UPF2: variants seen among roughly 807,000 people sequenced by gnomAD.
The protein encoded by UPF2 is UPF2 regulator of nonsense mediated mRNA decay.
Under a neutral mutation model 141.4 loss-of-function variants are expected in UPF2, and 17 were observed. That is an observed-to-expected ratio of 0.12 (90% CI 0.08 to 0.18). The LOEUF (loss-of-function observed/expected upper bound fraction) is 0.18, where lower values mean the gene tolerates loss of function less well. UPF2 is among the 10% of genes least tolerant of loss of function. The pLI is 1.00. For synonymous variants in UPF2, 540 were observed against 498.0 expected (o/e 1.08, Z -1.12); for missense variants, 1,152 against 1,515.9 (o/e 0.76, Z 3.99).
chr10:11,927,749 A>G (rs1411899038), intron 21 of UPF2, among the ~76,000 whole-genome samples: 1 of 152,144 alleles, frequency 6.6e-6, no homozygotes, highest in Non-Finnish European at 1.5e-5. Context: ...TAAAGAACAG[A>G]TCTCTAAACT....
intron 2 of UPF2, among the ~76,000 whole-genome samples, chr10:12,033,009 C>G (rs894199907): frequency 6.6e-6 from 1 of 151,936 alleles, no homozygotes; most frequent in Admixed American, 6.6e-5. Context: ...CATCACCCCC[C>G]CAAAAATGGG....
intron 4 of UPF2, among the ~76,000 whole-genome samples, chr10:12,010,030 T>C (rs1834101204): frequency 6.6e-6 from 1 of 152,172 alleles, no homozygotes; most frequent in South Asian, 2.1e-4. Context: ...TCTATGACTC[T>C]ACTTTATCAG....
intron 15 of UPF2, among the ~76,000 whole-genome samples, chr10:11,949,607 GC>G (rs1833048396): frequency 1.3e-5 from 2 of 152,258 alleles, no homozygotes; most frequent in African/African-American, 4.8e-5. Context: ...ACTTAAGACA[GC>G]CCATATATTA....
intron 1 of UPF2, among the ~76,000 whole-genome samples, chr10:12,039,781 C>T (rs563098126): frequency 4.6e-5 from 7 of 152,018 alleles, no homozygotes; most frequent in East Asian, 1.9e-4. Flanking sequence ...CCACCATGCC[C>T]GGCTAATTTT....
At chr10:11,996,953 TCTGAG>T (rs1833873356) in intron 8 of UPF2, among the ~76,000 whole-genome samples, 1 of 152,216 alleles carries the variant, frequency 6.6e-6, no homozygotes, top group Admixed American at 6.5e-5. Flanking sequence ...AGAGTATCTG[TCTGAG>T]CTATGTCATA....
intron 7 of UPF2, 112 bp downstream of exon 7, chr10:11,999,794 A>T: frequency 1.2e-6 from 1 of 857,644 alleles, no homozygotes; most frequent in Non-Finnish European, 1.9e-6. Context: ...ACTTTATTTG[A>T]AGAAATGGTG....
intron 19 of UPF2, among the ~76,000 whole-genome samples, chr10:11,932,879 T>C (rs1022158621): frequency 4.6e-5 from 7 of 152,206 alleles, no homozygotes; most frequent in Non-Finnish European, 1.0e-4. Context: ...AAATAACTCC[T>C]TATATAAATA....
rs1246965751 is a variant in UPF2, at chr10:11,953,927, A to G, written c.2850+1305T>C. Among the ~76,000 whole-genome samples the G allele has an allele frequency of 6.6e-6, 1 of 152,248 alleles. No individual in the cohort carries two copies. Among genetic ancestry groups the G allele is most frequent in the Admixed American group, 6.5e-5 (1 of 15,282 alleles). On this transcript the variant is annotated intron_variant, in intron 14 of 21. Transcript: ENST00000357604. The surrounding 1 kb of genome is among the most constrained non-coding windows in gnomAD (Gnocchi z 5.0). ...GGATGTATTTTTGATACTTCAAGTTACATTAAACTTATTTTCTTCATAATG... is the reference window on the plus strand; with the variant it reads ...GGATGTATTTTTGATACTTCAAGTTGCATTAAACTTATTTTCTTCATAATG...
intron 8 of UPF2, among the ~76,000 whole-genome samples, chr10:11,988,534 G>C (rs550308078): frequency 6.6e-6 from 1 of 152,286 alleles, no homozygotes; most frequent in East Asian, 1.9e-4. Context: ...CAGACTCCTG[G>C]CTTTAGGCCA....
intron 1 of UPF2, chr10:12,035,992 TATC>T (rs1183555534): frequency 6.6e-6 from 1 of 152,342 alleles, no homozygotes; most frequent in African/African-American, 2.4e-5. Flanking sequence ...GCTCTAACCT[TATC>T]ATCAAACTTT....
intron 18 of UPF2, among the ~76,000 whole-genome samples, chr10:11,938,740 G>C (rs530629543): frequency 6.7e-6 from 1 of 149,026 alleles, no homozygotes; most frequent in South Asian, 2.1e-4. Context: ...TTCCTGGCCT[G>C]TCATTTCTTC....
chr10:11,984,348 A>C (rs1024832123), intron 8 of UPF2, among the ~76,000 whole-genome samples: 49 of 152,280 alleles, frequency 3.2e-4, no homozygotes, highest in African/African-American at 1.2e-3. Flanking sequence ...AGTGGTTTTA[A>C]AATATTTTAA....
At position 11,921,660 on chromosome 10, in the gene UPF2, C is replaced by T. The variant is rs1037445228; in HGVS notation, c.3810-353G>A. ...TTTACCAGGGACTTGAATGTCTGTG[C>T]ATTTTGGTGTCTGAGGGGATCCAGG... On this transcript the variant is annotated intron_variant, in intron 21 of 21. Coordinates refer to ENST00000357604, the MANE Select transcript of UPF2 (RefSeq NM_015542.4). This position sits in a 1 kb window ranked among gnomAD's most constrained non-coding sequence, Gnocchi z 5.9. Among the ~76,000 whole-genome samples, 1 of 152,058 alleles carries T rather than the reference C, an allele frequency of 6.6e-6. No homozygotes were observed.
intron 4 of UPF2, 69 bp from the exon 5 acceptor site, chr10:12,004,796 T>C (rs960500242): frequency 4.9e-5 from 72 of 1,482,318 alleles, no homozygotes; most frequent in Non-Finnish European, 6.1e-5. Flanking sequence ...TGACATAAGT[T>C]ATTTTTTCAG....
chr10:11,923,127 A>G (rs1832667060), intron 21 of UPF2: 1 of 152,232 alleles, frequency 6.6e-6, no homozygotes, highest in African/African-American at 2.4e-5. Context: ...TAGGCCACAC[A>G]CCAGCAGTTT....
chr10:11,977,396 A>G (rs1044606481), intron 9 of UPF2, among the ~76,000 whole-genome samples: 1 of 152,152 alleles, frequency 6.6e-6, no homozygotes, highest in African/African-American at 2.4e-5. Flanking sequence ...TTCCCAAAGT[A>G]TGCTCCTGGA....
chr10:11,955,310 A>T lies in UPF2; in HGVS notation c.2772T>A (p.Thr924=). Residue 924 remains threonine (T), a synonymous_variant, in exon 14 of 22, where the codon ACT becomes ACA. Coordinates refer to ENST00000357604, the MANE Select transcript of UPF2 (RefSeq NM_015542.4). Reference sequence around the variant, plus strand: ...AGTACTGGCCACATGTGTCCAGAATAGTGCATACGAGTCTAATTCTGAAAA... The same window carrying T: ...AGTACTGGCCACATGTGTCCAGAATTGTGCATACGAGTCTAATTCTGAAAA... ...EHLFRIRLVC[T]ILDTCGQYFD... 1 of 1,614,184 alleles carries T rather than the reference A, an allele frequency of 6.2e-7. No homozygotes were observed. The highest frequency in any genetic ancestry group is 1.1e-5 in the South Asian group (1 of 91,074).
At chr10:11,938,250 T>C (rs1231962947) in intron 18 of UPF2, among the ~76,000 whole-genome samples, 1 of 152,230 alleles carries the variant, frequency 6.6e-6, no homozygotes, top group African/African-American at 2.4e-5. Flanking sequence ...TCTTTGAGTA[T>C]ATACAGAGCT....
At chr10:12,011,744 G>C (rs970513456) in intron 4 of UPF2, among the ~76,000 whole-genome samples, 2 of 151,822 alleles carry the variant, frequency 1.3e-5, no homozygotes, top group African/African-American at 4.8e-5. Context: ...TTGGGAGTTC[G>C]AGACCAGCCT....
Sources: gnomAD v4.1 joint callset for allele counts (sites outside exome capture counted in the v4.1 genomes callset) on GRCh38, gnomAD v4.1.1 for gene constraint, Gnocchi (gnomAD v3.1) non-coding constraint, MANE v1.5 for transcripts, NCBI Gene and HGNC (gene_info 2026-07-23, HGNC 2026-07-21) for gene names.